Variants in SP100 observed in about 807,000 individuals in gnomAD.
SP100 encodes nuclear autoantigen Sp-100.
Under a neutral mutation model 130.0 loss-of-function variants are expected in SP100, and 84 were observed. The ratio of observed to expected loss-of-function variants is 0.65; its 90% CI spans 0.54 to 0.77. SP100 has a LOEUF of 0.77. Among genes scored for constraint, SP100 ranks in the 30% least tolerant of loss-of-function variants. The probability of loss-of-function intolerance (pLI) is 0.00; values close to 1 mark genes in which losing one functional copy is unlikely to be tolerated. For synonymous variants in SP100, 331 were observed against 351.7 expected, an observed-to-expected ratio of 0.94 and a Z score of 0.66; for missense variants, 978 against 1,052.2, an observed-to-expected ratio of 0.93 and a Z score of 0.97.
chr2:230,447,902 G>T (rs1238487422), intron 5 of SP100, among the ~76,000 whole-genome samples: 1 of 152,170 alleles, frequency 6.6e-6, no homozygotes, highest in Non-Finnish European at 1.5e-5. Context: ...CTAATCTCAT[G>T]TTCAGCTCCC....
chr2:230,446,229 C>T (rs1034266964), intron 4 of SP100, among the ~76,000 whole-genome samples: 1 of 152,216 alleles, frequency 6.6e-6, no homozygotes, highest in African/African-American at 2.4e-5. Flanking sequence ...CCCCCTCAGC[C>T]TCTTGAGTAG....
chr2:230,429,488 A>G (rs1443637750), intron 2 of SP100, among the ~76,000 whole-genome samples: 3 of 152,048 alleles, frequency 2.0e-5, no homozygotes, highest in African/African-American at 4.8e-5. Flanking sequence ...CTAGATGTTC[A>G]TTTCTCTCCC....
At chr2:230,430,086 C>T (rs1298536669) in intron 2 of SP100, among the ~76,000 whole-genome samples, 1 of 152,198 alleles carries the variant, frequency 6.6e-6, no homozygotes, top group South Asian at 2.1e-4. Flanking sequence ...ATAACCTCTT[C>T]CAGGCTTTAT....
At position 230,460,427 on chromosome 2, in the gene SP100, G is replaced by A. The variant is rs1014792935; in HGVS notation, c.821-835G>A. ...ATTGAGAGAGAGGTAAAGGGAGAAA[G>A]AAAGAGTGGAGAGAAAAGAGATTAT... On this transcript the variant is annotated intron_variant, in intron 8 of 28. Coordinates refer to ENST00000340126, the MANE Select transcript of SP100 (RefSeq NM_001080391.2). Among the ~76,000 whole-genome samples, 7 of 152,166 alleles carry A rather than the reference G, an allele frequency of 4.6e-5. No homozygotes were observed. The East Asian group carries it at 1.4e-3, about 29-fold the overall frequency.
intron 2 of SP100, among the ~76,000 whole-genome samples, chr2:230,434,019 T>G (rs1022361978): frequency 2.0e-5 from 3 of 151,638 alleles, no homozygotes; most frequent in African/African-American, 7.3e-5. Flanking sequence ...AAGAAAGATC[T>G]GAAGGGACCT....
At chr2:230,468,737 G>A (rs1478031459) in intron 13 of SP100, 1 of 192,396 alleles carries the variant, frequency 5.2e-6, no homozygotes, top group Admixed American at 6.4e-5. Flanking sequence ...AGGATCATTT[G>A]AGCCTGGAAG....
intron 8 of SP100, 67 bp from the exon 9 acceptor site, chr2:230,461,195 G>A: frequency 6.7e-7 from 1 of 1,482,732 alleles, no homozygotes; most frequent in Non-Finnish European, 9.3e-7. Context: ...GAGAGGGGGA[G>A]TTATTAATGA....
In SP100 at chr2:230,498,633, T is replaced by C. The variant is rs1435794184; in HGVS notation, c.1720+98T>C. 7 of 598,304 alleles carry C rather than the reference T, an allele frequency of 1.2e-5. No homozygotes were observed. In the East Asian group the frequency reaches 2.5e-4, roughly 21 times the overall value. The allele number at this position is 598,304 out of a possible 1,614,324, so 37.1% of individuals were successfully genotyped here. On this transcript the variant is annotated intron_variant, in intron 19 of 28. Coordinates refer to ENST00000340126, the MANE Select transcript of SP100 (RefSeq NM_001080391.2). ...CCTAAATGCTTTATGTAGCTGTACT[T>C]ACTGTTGAGAAATATATCAGATGTA... is the stretch of plus-strand genomic sequence containing the variant.
At chr2:230,515,123 C>G in intron 24 of SP100, 1 of 1,612,838 alleles carries the variant, frequency 6.2e-7, no homozygotes, top group Non-Finnish European at 8.5e-7. Context: ...AACCCAGATG[C>G]TTCAGTCAAG....
At chr2:230,501,580 G>A (rs1429921226) in intron 19 of SP100, among the ~76,000 whole-genome samples, 1 of 152,144 alleles carries the variant, frequency 6.6e-6, no homozygotes, top group East Asian at 1.9e-4. Context: ...ATGCTAGATT[G>A]AAGGAAACAT....
chr2:230,517,051 T>C (rs1027560685), intron 24 of SP100, among the ~76,000 whole-genome samples: 1 of 152,294 alleles, frequency 6.6e-6, no homozygotes, highest in African/African-American at 2.4e-5. Context: ...GATAACATAC[T>C]CATAAGTGTA....
rs1378640827 is a variant in SP100, at chr2:230,507,907, G to A, written c.2014-86G>A. 9.5e-6 allele frequency: 11 copies of A among 1,156,460 alleles called. No homozygotes were observed. In the Admixed American group the frequency reaches 2.3e-4, roughly 24 times the overall value. 71.6% of individuals were successfully genotyped at this position (1,156,460 alleles called of 1,614,324 possible). On this transcript the variant is annotated intron_variant, in intron 22 of 28. Coordinates refer to ENST00000340126, the MANE Select transcript of SP100 (RefSeq NM_001080391.2). ...GAGTTAATAGTGGGATATCCAGGTA[G>A]GAATATTTGGAAGGCAGTCAGAAAT...
rs10617635 is a variant in SP100 at position 230,468,817 on chromosome 2, CAAAAAAAAAAAA to C, written c.1292-213_1292-202del. On this transcript the variant is annotated intron_variant, in intron 13 of 28. Transcript: ENST00000340126. Reference sequence around the variant, plus strand: ...TGGCTGACAGAGTGAGACCCTGTCTCAAAAAAAAAAAAAAAAAAAAAAAAGTCATTGATTTTG... The same window carrying C: ...TGGCTGACAGAGTGAGACCCTGTCTCAAAAAAAAAAAAGTCATTGATTTTG... 462 of 149,806 alleles carry C rather than the reference CAAAAAAAAAAAA, an allele frequency of 3.1e-3. 6 individuals carry two copies. The highest frequency in any genetic ancestry group is 0.018 in the African/African-American group (425 of 24,084). 9.3% of individuals were successfully genotyped at this position (149,806 alleles called of 1,614,324 possible). A position where few individuals can be genotyped will look rare whatever the true frequency, so the allele number is the denominator to read the frequency against.
chr2:230,506,220 G>A (rs1397199245), intron 21 of SP100, 83 bp from the exon 22 acceptor site: 2 of 1,465,864 alleles, frequency 1.4e-6, no homozygotes. Context: ...GCCCAAAGTG[G>A]GTGGCCCCAG....
intron 2 of SP100, among the ~76,000 whole-genome samples, chr2:230,430,080 C>T (rs2149874912): frequency 1.3e-5 from 2 of 152,294 alleles, no homozygotes; most frequent in South Asian, 4.1e-4. Context: ...GAAACAATAA[C>T]CTCTTCCAGG....
chr2:230,461,781 T>C (rs1270222957), intron 9 of SP100, among the ~76,000 whole-genome samples: 1 of 151,686 alleles, frequency 6.6e-6, no homozygotes, highest in Non-Finnish European at 1.5e-5. Context: ...AAACCCCATC[T>C]CTACAAAAAA....
intron 2 of SP100, among the ~76,000 whole-genome samples, chr2:230,428,436 G>A (rs891348778): frequency 6.6e-6 from 1 of 150,904 alleles, no homozygotes; most frequent in African/African-American, 2.5e-5. Context: ...GAAGGGAGAA[G>A]TGCTACACAC....
At chr2:230,526,809 G>A (rs1375592338) in intron 24 of SP100, among the ~76,000 whole-genome samples, 2 of 151,984 alleles carry the variant, frequency 1.3e-5, no homozygotes, top group Non-Finnish European at 2.9e-5. Flanking sequence ...TCAATCAAGT[G>A]GAAGAAAGGA....
chr2:230,520,506 T>C (rs1178882402), intron 24 of SP100: 3 of 152,200 alleles, frequency 2.0e-5, no homozygotes, highest in Admixed American at 2.0e-4. Context: ...GGGAGGTTCA[T>C]TGATTTTGGG....
Sources: allele counts gnomAD v4.1 joint callset (sites outside exome capture counted in the v4.1 genomes callset), GRCh38; gene constraint gnomAD v4.1.1; transcripts MANE v1.5; gene names NCBI Gene and HGNC (gene_info 2026-07-23, HGNC 2026-07-21).